PCDH15: variants seen among roughly 807,000 people sequenced by gnomAD.
The protein encoded by PCDH15 is protocadherin-15.
In PCDH15, 129 loss-of-function variants were observed where a neutral mutation model predicts 178.5. The observed-to-expected ratio is 0.72, with a 90% CI of 0.63 to 0.84. The LOEUF is 0.84. Among genes scored for constraint, PCDH15 ranks in the 40% least tolerant of loss-of-function variants. The pLI, the probability that PCDH15 is intolerant of heterozygous loss-of-function variation, is 0.00. For synonymous variants in PCDH15, 800 were observed against 732.0 expected, an observed-to-expected ratio of 1.09 and a Z score of -1.50; for missense variants, 2,230 against 2,099.9, an observed-to-expected ratio of 1.06 and a Z score of -1.21.
chr10:54,752,476 C>CAAAAAAAAAAAAAAAAAAA (rs755874514), intron 1 of PCDH15, among the ~76,000 whole-genome samples: 1 of 89,714 alleles, frequency 1.1e-5, no homozygotes, highest in Non-Finnish European at 2.5e-5. Flanking sequence ...GACTCCGTCT[C>CAAAAAAAAAAAAAAAAAAA]AAAAAAAAAA....
At chr10:54,887,277 A>G (rs1258189148) in intron 3 of PCDH15, among the ~76,000 whole-genome samples, 3 of 152,152 alleles carry the variant, frequency 2.0e-5, no homozygotes, top group Admixed American at 6.6e-5. Context: ...GATCCTTGCA[A>G]TTGTTAATGA....
chr10:54,027,550 G>T (rs1044693987), intron 18 of PCDH15, among the ~76,000 whole-genome samples: 1 of 149,444 alleles, frequency 6.7e-6, no homozygotes. Flanking sequence ...ATACTACAAG[G>T]CTACAGTAAC....
At chr10:55,273,803 T>C (rs1165568914) in intron 1 of PCDH15, among the ~76,000 whole-genome samples, 1 of 152,080 alleles carries the variant, frequency 6.6e-6, no homozygotes, top group African/African-American at 2.4e-5. Flanking sequence ...AGAAAATCAC[T>C]TGCCAAATAA....
chr10:54,432,082 A>AATTAAAGCATACAAAGAAC (rs1957033100), intron 3 of PCDH15, among the ~76,000 whole-genome samples: 1 of 152,206 alleles, frequency 6.6e-6, no homozygotes, highest in African/African-American at 2.4e-5. Context: ...CAAAGAATAA[A>AATTAAAGCATACAAAGAAC]ATGGAAAGAT....
intron 9 of PCDH15, 108 bp downstream of exon 9, chr10:54,236,715 T>C: frequency 2.1e-6 from 2 of 944,448 alleles, no homozygotes; most frequent in Non-Finnish European, 3.4e-6. Context: ...GTAACAATCA[T>C]GTCAAATAAT....
intron 15 of PCDH15, among the ~76,000 whole-genome samples, chr10:54,117,118 G>A (rs540590051): frequency 2.0e-5 from 3 of 152,114 alleles, no homozygotes; most frequent in Admixed American, 6.5e-5. Flanking sequence ...AGCTGTGCTC[G>A]GTTTGTGCTA....
intron 3 of PCDH15, among the ~76,000 whole-genome samples, chr10:54,448,806 G>C (rs770926605): frequency 6.6e-6 from 1 of 151,672 alleles, no homozygotes; most frequent in Non-Finnish European, 1.5e-5. Context: ...AGCACTCATA[G>C]TGTCATTTAA....
chr10:54,511,873 A>AT (rs926218833), intron 3 of PCDH15, among the ~76,000 whole-genome samples: 35 of 151,322 alleles, frequency 2.3e-4, no homozygotes, highest in Middle Eastern at 6.8e-3. Flanking sequence ...GTGAGTGCTT[A>AT]TTTTTTTTTC....
intron 14 of PCDH15, among the ~76,000 whole-genome samples, chr10:54,145,550 C>A (rs554250927): frequency 1.7e-3 from 262 of 151,868 alleles, no homozygotes; most frequent in African/African-American, 5.7e-3. Flanking sequence ...CATTGAAAAC[C>A]AATATAGGAG....
intron 2 of PCDH15, among the ~76,000 whole-genome samples, chr10:55,412,140 G>A (rs1465338640): frequency 6.6e-6 from 1 of 151,990 alleles, no homozygotes; most frequent in Admixed American, 6.6e-5. Flanking sequence ...AGGGCTTTAT[G>A]AAATTCTTGG....
chr10:54,614,491 TCC>T (rs1462174678), intron 2 of PCDH15, among the ~76,000 whole-genome samples: 16 of 152,072 alleles, frequency 1.1e-4, no homozygotes, highest in African/African-American at 3.9e-4. Context: ...AAGTACTTTA[TCC>T]CTTTGGAAGT....
At chr10:53,809,161 G>A (rs747630384) in intron 37 of PCDH15, 65 of 1,613,930 alleles carry the variant, frequency 4.0e-5, no homozygotes, top group Non-Finnish European at 4.9e-5. Context: ...CTCAGAGGGT[G>A]TCTCTGACTC....
intron 2 of PCDH15, among the ~76,000 whole-genome samples, chr10:55,622,446 G>GA (rs1231545618): frequency 2.0e-5 from 3 of 151,782 alleles, no homozygotes; most frequent in East Asian, 1.9e-4. Context: ...TTAGAAAAAT[G>GA]AAAAAACATA....
chr10:54,198,293 C>T (rs940817870), intron 10 of PCDH15, among the ~76,000 whole-genome samples: 3 of 151,960 alleles, frequency 2.0e-5, no homozygotes, highest in Admixed American at 6.6e-5. Context: ...GTAGAGTCTA[C>T]GCCTGGAAAA....
Position 54,600,249 on chromosome 10 carries a change from G to C in PCDH15, c.91+63923C>G, listed in dbSNP as rs141426551. 71 of 560,460 alleles carry C rather than the reference G, an allele frequency of 1.3e-4. No individual in the cohort carries two copies. In the Admixed American group the frequency reaches 1.6e-3, roughly 12 times the overall value. The allele number at this position is 560,460 out of a possible 1,614,324, so 34.7% of individuals were successfully genotyped here. On this transcript the variant is annotated intron_variant, in intron 2 of 37. Transcript: ENST00000644397. ...AAGAAGAGGGAAGCCACAGCAACAG[G>C]AGAAAGAGGAGAAAGTGGGAGGAAA...
chr10:55,079,199 G>A (rs975766555), intron 2 of PCDH15, among the ~76,000 whole-genome samples: 3 of 151,986 alleles, frequency 2.0e-5, no homozygotes, highest in African/African-American at 7.2e-5. Flanking sequence ...TCTTTATGTT[G>A]ATATCTATGC....
At chr10:55,588,123 T>C (rs769774541) in intron 2 of PCDH15, among the ~76,000 whole-genome samples, 161 of 152,298 alleles carry the variant, frequency 1.1e-3, no homozygotes, top group Non-Finnish European at 1.8e-3. Flanking sequence ...TAGGAGGTGT[T>C]ACATTATTTG....
At chr10:54,626,790 T>A (rs1249618261) in intron 2 of PCDH15, among the ~76,000 whole-genome samples, 1 of 152,180 alleles carries the variant, frequency 6.6e-6, no homozygotes, top group East Asian at 1.9e-4. Context: ...GACCCCAGAA[T>A]GGTAGATCCA....
At chr10:55,032,551 A>G (rs907563811) in intron 2 of PCDH15, among the ~76,000 whole-genome samples, 4 of 152,200 alleles carry the variant, frequency 2.6e-5, no homozygotes, top group African/African-American at 7.2e-5. Context: ...TATTTGCCAC[A>G]TCTGGCATAA....
Sources: gnomAD v4.1 joint callset for allele counts (sites outside exome capture counted in the v4.1 genomes callset) on GRCh38, gnomAD v4.1.1 for gene constraint, MANE v1.5 for transcripts, NCBI Gene and HGNC (gene_info 2026-07-23, HGNC 2026-07-21) for gene names.